DHX9: variants seen among roughly 807,000 people sequenced by gnomAD.
The protein encoded by DHX9 is ATP-dependent RNA helicase A.
DHX9 carries 27 observed loss-of-function variants against 148.7 expected under a neutral mutation model. That is an observed-to-expected ratio of 0.18 (90% CI 0.13 to 0.25). The LOEUF (loss-of-function observed/expected upper bound fraction) is 0.25. Among genes scored for constraint, DHX9 ranks in the 10% least tolerant of loss-of-function variants. The pLI, the probability that DHX9 is intolerant of heterozygous loss-of-function variation, is 1.00. For missense variants in DHX9, 796 were observed against 1,559.6 expected (o/e 0.51, Z 8.25); for synonymous variants, 529 against 516.6 (o/e 1.02, Z -0.33).
At chr1:182,856,167 T>C (rs1339236927) in intron 6 of DHX9, among the ~76,000 whole-genome samples, 1 of 152,198 alleles carries the variant, frequency 6.6e-6, no homozygotes, top group East Asian at 1.9e-4. Context: ...TGTAAAACAT[T>C]TGGGGCCTAC....
At chr1:182,848,326 A>G (rs933262318) in intron 3 of DHX9, among the ~76,000 whole-genome samples, 5 of 152,246 alleles carry the variant, frequency 3.3e-5, no homozygotes, top group African/African-American at 1.2e-4. Context: ...CGAGGAGGCC[A>G]CTGACATCTA....
intron 16 of DHX9, among the ~76,000 whole-genome samples, chr1:182,875,614 A>AT (rs1394925483): frequency 2.1e-5 from 3 of 145,512 alleles, no homozygotes; most frequent in African/African-American, 5.7e-5. Context: ...ACCTAAGATT[A>AT]TATCTTTTTA....
At chr1:182,859,838 C>A (rs1405222100) in intron 11 of DHX9, among the ~76,000 whole-genome samples, 155 bp from the exon 12 acceptor site, 1 of 152,158 alleles carries the variant, frequency 6.6e-6, no homozygotes, top group African/African-American at 2.4e-5. Context: ...GTCTCGAACT[C>A]CTCACCTCAT....
Position 182,881,279 on chromosome 1 carries a change from C to T in DHX9, c.2640C>T (p.Ile880=), listed in dbSNP as rs1157024422. The change falls in exon 23 of 28, where the codon ATC becomes ATT. Residue 880 remains isoleucine, a synonymous_variant. Transcript: ENST00000367549. The stretch of plus-strand genomic sequence containing the variant: ...TGTATTTCAGCGTGGGAGATGCTAT[C>T]TGTACCATTGCTGCTGCTACCTGCT... ...MGCIFYVGDA[I]CTIAAATCFP... The T allele has an allele frequency of 6.2e-7, 1 of 1,613,708 alleles. No homozygotes were observed. Among genetic ancestry groups the T allele is most frequent in the Non-Finnish European group, 8.5e-7 (1 of 1,179,824 alleles).
intron 12 of DHX9, 91 bp downstream of exon 12, chr1:182,860,275 G>A: frequency 9.2e-7 from 1 of 1,086,694 alleles, no homozygotes. Context: ...ATTTAAGATT[G>A]AGAGAGCATT....
chr1:182,873,916 C>T (rs755136415), intron 15 of DHX9, among the ~76,000 whole-genome samples: 3 of 151,980 alleles, frequency 2.0e-5, no homozygotes, highest in Admixed American at 6.6e-5. Context: ...AAGCCCATAA[C>T]GATGGGGATA....
rs137868538 is a variant in DHX9 at position 182,884,304 on chromosome 1, T to C, written c.3261-309T>C. ...AGAAAGTCTGAATGATCCATATTGCTGGACTTTGTTTTTTGTTTATTATAT... is the reference window on the plus strand; with the variant it reads ...AGAAAGTCTGAATGATCCATATTGCCGGACTTTGTTTTTTGTTTATTATAT... On this transcript the variant is annotated intron_variant, in intron 26 of 27. Coordinates refer to ENST00000367549, the MANE Select transcript of DHX9 (RefSeq NM_001357.5). Among the ~76,000 whole-genome samples, 189 of 152,262 alleles carry C rather than the reference T, an allele frequency of 1.2e-3. 1 individual carries two copies. Among genetic ancestry groups the C allele is most frequent in the Non-Finnish European group, 2.1e-3 (146 of 68,014 alleles).
intron 2 of DHX9, 104 bp from the exon 3 acceptor site, chr1:182,843,190 A>G (rs1330699631): frequency 6.5e-6 from 5 of 765,668 alleles, no homozygotes; most frequent in Admixed American, 8.1e-5. Context: ...TATATTTCCT[A>G]AAGTTAGCTG....
At chr1:182,853,957 A>G in intron 5 of DHX9, 73 bp from the exon 6 acceptor site, 2 of 1,378,622 alleles carry the variant, frequency 1.5e-6, no homozygotes, top group Non-Finnish European at 1.0e-6. Context: ...CAAAGACAGT[A>G]TTAAAAATTT....
At chr1:182,886,527 T>C (rs1041652923) in intron 27 of DHX9, among the ~76,000 whole-genome samples, 3 of 152,166 alleles carry the variant, frequency 2.0e-5, no homozygotes, top group Admixed American at 2.0e-4. Flanking sequence ...AGCTGCTGAA[T>C]TGGTGGTGTT....
Position 182,883,121 on chromosome 1 carries a change from C to T in DHX9, c.2915-18C>T, listed in dbSNP as rs373934751. 3.2e-6 allele frequency: 5 copies of T among 1,584,214 alleles called. No individual in the cohort carries two copies. In the African/African-American group the frequency reaches 5.4e-5, roughly 17 times the overall value. On this transcript the variant is annotated intron_variant, in intron 24 of 27. Transcript: ENST00000367549. ...GCCAGTTATCTGATTTTTGTTTTCA[C>T]TGTGCTCCTCTTAACAGATTGTTTG...
At chr1:182,853,602 T>C (rs968203863) in intron 5 of DHX9, among the ~76,000 whole-genome samples, 184 bp downstream of exon 5, 1 of 152,200 alleles carries the variant, frequency 6.6e-6, no homozygotes, top group Non-Finnish European at 1.5e-5. Context: ...GTTATTCACA[T>C]TGCCTATGGA....
At chr1:182,872,276 G>A (rs1358613287) in intron 14 of DHX9, 61 bp from the exon 15 acceptor site, 1 of 1,414,146 alleles carries the variant, frequency 7.1e-7, no homozygotes, top group Admixed American at 1.9e-5. Context: ...AACTCTTTTA[G>A]GCATAGCTTG....
At chr1:182,852,172 A>G (rs1199845941) in intron 3 of DHX9, 61 bp from the exon 4 acceptor site, 3 of 1,058,328 alleles carry the variant, frequency 2.8e-6, no homozygotes, top group Non-Finnish European at 4.2e-6. Context: ...GTATTAAAAG[A>G]ATTTACTAGT....
chr1:182,872,573 AATTTAAAGAAT>A (rs1648593131), intron 15 of DHX9, 80 bp downstream of exon 15: 1 of 1,398,498 alleles, frequency 7.2e-7, no homozygotes, highest in South Asian at 1.4e-5. Flanking sequence ...TTGGAGTTAC[AATTTAAAGAAT>A]ACTTAAAATA....
chr1:182,874,879 G>C lies in DHX9; in HGVS notation c.1740G>C (p.Gln580His). The C allele has an allele frequency of 6.2e-7, 1 of 1,612,796 alleles. No individual in the cohort carries two copies. The highest frequency in any genetic ancestry group is 8.5e-7 in the Non-Finnish European group (1 of 1,179,390). The change falls in exon 16 of 28, where the codon CAG becomes CAC. Residue 580 changes from glutamine (Q) to histidine (H), a missense_variant. By Grantham distance (24) the Gln-to-His change is conservative. Transcript: ENST00000367549. Reference sequence around the variant, plus strand: ...AATATTTTCTGGAAGACTGCATTCAGATGACCCACTTTGTTCCTCCACCAA... The same window carrying C: ...AATATTTTCTGGAAGACTGCATTCACATGACCCACTTTGTTCCTCCACCAA... ...VQEYFLEDCI[Q>H]MTHFVPPPKD...
rs751635805 is a variant in DHX9 at position 182,858,547 on chromosome 1, A to G, written c.811-4A>G. 3.7e-6 allele frequency: 6 copies of G among 1,601,190 alleles called. No homozygotes were observed. Among genetic ancestry groups the G allele is most frequent in the Admixed American group, 1.7e-5 (1 of 57,790 alleles). On this transcript the variant is annotated splice_region_variant and splice_polypyrimidine_tract_variant and intron_variant, in intron 8 of 27. Transcript: ENST00000367549. ...GTTGTTAATGTGTGATCCTTTTTCC[A>G]TAGGTGGAGCCTTACAAAGTAAACC...
At chr1:182,878,646 A>G (rs1183754374) in intron 20 of DHX9, among the ~76,000 whole-genome samples, 1 of 152,174 alleles carries the variant, frequency 6.6e-6, no homozygotes, top group Non-Finnish European at 1.5e-5. Context: ...CTCTTTTAAA[A>G]CTGAAATGCT....
intron 12 of DHX9, among the ~76,000 whole-genome samples, chr1:182,863,002 T>G (rs1571309136): frequency 6.6e-6 from 1 of 151,976 alleles, no homozygotes; most frequent in African/African-American, 2.4e-5. Context: ...CAGGCAAGAG[T>G]AGTAAAATTC....
Sources: allele counts gnomAD v4.1 joint callset (sites outside exome capture counted in the v4.1 genomes callset), GRCh38; gene constraint gnomAD v4.1.1; transcripts MANE v1.5; gene names NCBI Gene and HGNC (gene_info 2026-07-23, HGNC 2026-07-21).